ASTN2: variants seen among roughly 807,000 people sequenced by gnomAD.
ASTN2 encodes astrotactin 2, also known as astrotactin-2.
In ASTN2, 54 loss-of-function variants were observed where a neutral mutation model predicts 139.8. The ratio of observed to expected loss-of-function variants is 0.39; its 90% confidence interval spans 0.31 to 0.48. ASTN2 has a LOEUF of 0.48. Ranked by LOEUF, ASTN2 falls within the 20% of genes least tolerant of loss-of-function variation. ASTN2 has a pLI of 0.95. For missense variants in ASTN2, 1,565 were observed against 1,725.1 expected (o/e 0.91, Z 1.64); for synonymous variants, 756 against 719.5 (o/e 1.05, Z -0.81).
intron 19 of ASTN2, among the ~76,000 whole-genome samples, chr9:116,562,484 C>G (rs1852963976): frequency 6.6e-6 from 1 of 151,896 alleles, no homozygotes; most frequent in East Asian, 1.9e-4. Flanking sequence ...CATCTGTAAT[C>G]CCAGCACTTT....
chr9:117,157,789 C>T (rs929672081), intron 3 of ASTN2, among the ~76,000 whole-genome samples: 2 of 151,916 alleles, frequency 1.3e-5, no homozygotes, highest in African/African-American at 4.8e-5. Flanking sequence ...ATGACCCCAT[C>T]GTGATGAGGC....
At chr9:117,188,227 T>C (rs1047302600) in intron 3 of ASTN2, among the ~76,000 whole-genome samples, 2 of 150,928 alleles carry the variant, frequency 1.3e-5, no homozygotes, top group East Asian at 3.9e-4. Context: ...TCACCCCCGA[T>C]CCTGGTTGAA....
chr9:117,413,432 C>T (rs1831226980), intron 1 of ASTN2, among the ~76,000 whole-genome samples: 1 of 152,246 alleles, frequency 6.6e-6, no homozygotes, highest in South Asian at 2.1e-4. Context: ...TGTTGTTGGC[C>T]AGACTCCGAC....
chr9:116,539,733 A>G (rs1172981587), intron 19 of ASTN2, among the ~76,000 whole-genome samples: 1 of 152,202 alleles, frequency 6.6e-6, no homozygotes, highest in African/African-American at 2.4e-5. Context: ...CCTGGGTGGG[A>G]TGGTGCAAGA....
chr9:116,544,800 C>G (rs963003496), intron 19 of ASTN2, among the ~76,000 whole-genome samples: 3 of 152,094 alleles, frequency 2.0e-5, no homozygotes, highest in African/African-American at 7.2e-5. Context: ...GGAAACAAGG[C>G]AAAGATGAAG....
chr9:116,993,721 A>G (rs1282702810), intron 7 of ASTN2, among the ~76,000 whole-genome samples: 1 of 147,940 alleles, frequency 6.8e-6, no homozygotes, highest in Non-Finnish European at 1.5e-5. Flanking sequence ...TATTATATAT[A>G]GTACATTATA....
At chr9:117,171,560 T>C (rs57074137) in intron 3 of ASTN2, among the ~76,000 whole-genome samples, 262 of 152,276 alleles carry the variant, frequency 1.7e-3, no homozygotes, top group African/African-American at 6.0e-3. Context: ...CATGTGTCAA[T>C]GGAGGGACCT....
chr9:117,116,926 T>C (rs1305607178), intron 4 of ASTN2, among the ~76,000 whole-genome samples: 1 of 147,278 alleles, frequency 6.8e-6, no homozygotes, highest in African/African-American at 2.5e-5. Context: ...CAGAATGTCC[T>C]ATTACTGATG....
At chr9:116,737,230 C>T (rs1399321494) in intron 13 of ASTN2, among the ~76,000 whole-genome samples, 2 of 152,318 alleles carry the variant, frequency 1.3e-5, no homozygotes, top group South Asian at 4.1e-4. Context: ...AAGGCCTCTG[C>T]CAGCAGAGGG....
At chr9:116,667,377 G>A (rs1207296017) in intron 16 of ASTN2, among the ~76,000 whole-genome samples, 1 of 152,128 alleles carries the variant, frequency 6.6e-6, no homozygotes, top group Non-Finnish European at 1.5e-5. Flanking sequence ...CTATCTGTTT[G>A]CAATATACAC....
intron 1 of ASTN2, among the ~76,000 whole-genome samples, chr9:117,405,188 A>G (rs1357775448): frequency 5.9e-5 from 9 of 152,212 alleles, no homozygotes; most frequent in African/African-American, 1.9e-4. Flanking sequence ...GAAGAGGATG[A>G]CATAAGAAGT....
intron 19 of ASTN2, among the ~76,000 whole-genome samples, chr9:116,572,777 C>A (rs1476418353): frequency 6.6e-6 from 1 of 152,158 alleles, no homozygotes; most frequent in Non-Finnish European, 1.5e-5. Context: ...CCCTTTGCAG[C>A]AGGGACCCAA....
intron 20 of ASTN2, among the ~76,000 whole-genome samples, chr9:116,455,679 A>C (rs1421848761): frequency 6.6e-6 from 1 of 151,944 alleles, no homozygotes; most frequent in Non-Finnish European, 1.5e-5. Context: ...CTACTGGTAA[A>C]CTCTGAGTTT....
intron 1 of ASTN2, among the ~76,000 whole-genome samples, chr9:117,346,726 G>A (rs1829231101): frequency 6.6e-6 from 1 of 151,950 alleles, no homozygotes; most frequent in Admixed American, 6.6e-5. Flanking sequence ...ACCTGTTCAG[G>A]GCCACCTCTA....
intron 19 of ASTN2, chr9:116,578,789 G>A (rs911172396): frequency 1.3e-5 from 2 of 151,826 alleles, no homozygotes; most frequent in Non-Finnish European, 2.9e-5. Context: ...AATACCAACT[G>A]AGGAAACCTA....
chr9:117,359,747 G>T (rs935212919), intron 1 of ASTN2, among the ~76,000 whole-genome samples: 2 of 152,106 alleles, frequency 1.3e-5, no homozygotes, highest in South Asian at 2.1e-4. Flanking sequence ...TCAGAGACAG[G>T]GGGAAGGAGT....
At chr9:116,576,993 G>A (rs1282629117) in intron 19 of ASTN2, among the ~76,000 whole-genome samples, 1 of 152,164 alleles carries the variant, frequency 6.6e-6, no homozygotes, top group Non-Finnish European at 1.5e-5. Flanking sequence ...TTCTTCCTGT[G>A]TGCCAGGAGC....
chr9:116,927,400 T>TA (rs1834784526), intron 10 of ASTN2, among the ~76,000 whole-genome samples: 1 of 152,218 alleles, frequency 6.6e-6, no homozygotes, highest in Admixed American at 6.5e-5. Flanking sequence ...CTTGTTTTCA[T>TA]ATATTTATCA....
rs571572832 is a variant in ASTN2 at position 117,233,291 on chromosome 9, A to G, written c.631-18549T>C. On this transcript the variant is annotated intron_variant, in intron 2 of 22. Coordinates refer to ENST00000313400, the MANE Select transcript of ASTN2 (RefSeq NM_001365068.1). ...ACAAAATTGCTGGACCTAAACCAGT[A>G]CCAGGCTCAGTGGAAGCCAGGAACT... Among the ~76,000 whole-genome samples, 3 of 152,338 alleles carry G rather than the reference A, an allele frequency of 2.0e-5. No homozygotes were observed. The South Asian group carries it at 6.2e-4, about 32-fold the overall frequency.
Sources: gnomAD v4.1 joint callset for allele counts (sites outside exome capture counted in the v4.1 genomes callset) on GRCh38, gnomAD v4.1.1 for gene constraint, MANE v1.5 for transcripts, NCBI Gene and HGNC (gene_info 2026-07-23, HGNC 2026-07-21) for gene names.